ENOX1: variants seen among roughly 807,000 people sequenced by gnomAD.
The protein encoded by ENOX1 is ecto-NOX disulfide-thiol exchanger 1, also known as candidate growth-related and time keeping constitutive hydroquinone (NADH) oxidase.
ENOX1 carries 42 observed loss-of-function variants against 82.5 expected under a neutral mutation model. The observed-to-expected ratio is 0.51, with a 90% CI of 0.40 to 0.66. The LOEUF is 0.66. Ranked by LOEUF, ENOX1 falls within the 30% of genes least tolerant of loss-of-function variation. The pLI is 0.00. For missense variants in ENOX1, 608 were observed against 811.6 expected (o/e 0.75, Z 3.05); for synonymous variants, 271 against 282.2 (o/e 0.96, Z 0.40).
At chr13:43,475,718 T>C (rs950490287) in intron 3 of ENOX1, among the ~76,000 whole-genome samples, 15 of 148,168 alleles carry the variant, frequency 1.0e-4, no homozygotes, top group Non-Finnish European at 3.0e-5. Context: ...GCTTTTACTC[T>C]TGAATTTTTA....
intron 2 of ENOX1, among the ~76,000 whole-genome samples, chr13:43,560,959 G>A (rs1411088768): frequency 3.3e-5 from 5 of 152,140 alleles, no homozygotes; most frequent in Non-Finnish European, 5.9e-5. Context: ...GTTGCTCCTT[G>A]TATCTAGAAG....
At chr13:43,565,282 A>C (rs921957649) in intron 2 of ENOX1, among the ~76,000 whole-genome samples, 6 of 152,220 alleles carry the variant, frequency 3.9e-5, no homozygotes, top group African/African-American at 1.4e-4. Context: ...TTCACAGAAC[A>C]AAAGAAAGGG....
chr13:43,445,264 C>T (rs1272755523), intron 3 of ENOX1, among the ~76,000 whole-genome samples: 2 of 151,864 alleles, frequency 1.3e-5, no homozygotes, highest in East Asian at 1.9e-4. Flanking sequence ...GCTGGGACTA[C>T]AGGCACCCAC....
intron 14 of ENOX1, among the ~76,000 whole-genome samples, chr13:43,238,355 A>G (rs892566650): frequency 1.3e-5 from 2 of 152,246 alleles, no homozygotes; most frequent in East Asian, 3.8e-4. Context: ...ATAAAGAGGA[A>G]TTGCAGGAAA....
intron 14 of ENOX1, among the ~76,000 whole-genome samples, chr13:43,248,851 ATG>A (rs2043288845): frequency 6.6e-6 from 1 of 152,132 alleles, no homozygotes; most frequent in African/African-American, 2.4e-5. Context: ...TAACATATAT[ATG>A]TGTTTGCATA....
intron 11 of ENOX1, among the ~76,000 whole-genome samples, chr13:43,315,661 T>C (rs574549702): frequency 9.8e-4 from 149 of 152,308 alleles, no homozygotes; most frequent in Non-Finnish European, 1.7e-3. Context: ...ACTAAGAGTG[T>C]CGATAAAATG....
intron 9 of ENOX1, among the ~76,000 whole-genome samples, chr13:43,329,172 A>T (rs2048286023): frequency 6.6e-6 from 1 of 152,208 alleles, no homozygotes; most frequent in African/African-American, 2.4e-5. Context: ...GATGAGTGAA[A>T]GTAGCTGTGG....
rs574611044 is a variant in ENOX1 at position 43,582,572 on chromosome 13, T to A, written c.-219+84907A>T. On this transcript the variant is annotated intron_variant, in intron 2 of 16. Transcript: ENST00000690772. ...TAATACCAACATGGAAGACATTTTA[T>A]TTCTTTTTCTTTTTTTTTGGAGACA... Among the ~76,000 whole-genome samples the A allele has an allele frequency of 5.6e-4, 85 of 152,158 alleles. No individual in the cohort carries two copies. The South Asian group carries it at 0.017, about 31-fold the overall frequency.
chr13:43,722,224 T>G, intron 1 of ENOX1, among the ~76,000 whole-genome samples: 1 of 152,212 alleles, frequency 6.6e-6, no homozygotes, highest in Non-Finnish European at 1.5e-5. Context: ...CACATGTTAG[T>G]TATTATGATC....
chr13:43,222,380 T>TACACACACACACACACACACACACAC (rs35476412), intron 16 of ENOX1, among the ~76,000 whole-genome samples: 1 of 149,088 alleles, frequency 6.7e-6, no homozygotes, highest in African/African-American at 2.5e-5. Context: ...GAGATGATTT[T>TACACACACACACACACACACACACAC]ACACACACAC....
chr13:43,221,815 G>C (rs1473520911), intron 16 of ENOX1, among the ~76,000 whole-genome samples: 1 of 152,136 alleles, frequency 6.6e-6, no homozygotes, highest in East Asian at 1.9e-4. Context: ...GACCACAACA[G>C]TGACATTACA....
At chr13:43,453,472 TC>T (rs2057072557) in intron 3 of ENOX1, among the ~76,000 whole-genome samples, 1 of 152,202 alleles carries the variant, frequency 6.6e-6, no homozygotes, top group Non-Finnish European at 1.5e-5. Flanking sequence ...AGAGTGGATT[TC>T]ACCTTTAATG....
chr13:43,688,230 A>G (rs2086175655), intron 1 of ENOX1, among the ~76,000 whole-genome samples: 2 of 152,072 alleles, frequency 1.3e-5, no homozygotes, highest in Non-Finnish European at 2.9e-5. Context: ...GACCTTCAAC[A>G]TTTCCTTTTA....
intron 2 of ENOX1, among the ~76,000 whole-genome samples, chr13:43,623,338 T>C (rs1023593370): frequency 6.6e-6 from 1 of 152,136 alleles, no homozygotes; most frequent in Non-Finnish European, 1.5e-5. Context: ...CTGTGTGGTT[T>C]TACCCCCTGC....
intron 7 of ENOX1, among the ~76,000 whole-genome samples, chr13:43,356,623 A>T (rs1189057391): frequency 6.6e-6 from 1 of 152,114 alleles, no homozygotes; most frequent in Non-Finnish European, 1.5e-5. Flanking sequence ...ATGATATTTA[A>T]AAAGATCTAC....
intron 2 of ENOX1, among the ~76,000 whole-genome samples, chr13:43,570,349 C>T (rs2225273): frequency 0.97 from 147,883 of 152,180 alleles, 71,996 homozygotes; most frequent in Non-Finnish European, 1. Context: ...CATAGATGCA[C>T]ATAGAAATGA....
chr13:43,382,551 A>T (rs1015530551), intron 5 of ENOX1, among the ~76,000 whole-genome samples: 1 of 152,182 alleles, frequency 6.6e-6, no homozygotes, highest in Non-Finnish European at 1.5e-5. Flanking sequence ...TCATTTACAT[A>T]AAATTCTGGA....
chr13:43,431,129 T>TA (rs2055631598), intron 3 of ENOX1, among the ~76,000 whole-genome samples: 1 of 152,210 alleles, frequency 6.6e-6, no homozygotes, highest in South Asian at 2.1e-4. Context: ...GCTTAACTCT[T>TA]GTCTTCATAG....
At chr13:43,623,173 AG>A (rs1252260538) in intron 2 of ENOX1, among the ~76,000 whole-genome samples, 4 of 152,116 alleles carry the variant, frequency 2.6e-5, no homozygotes, top group Non-Finnish European at 5.9e-5. Context: ...AACCTGCCCC[AG>A]GATACCTGCC....
Sources: allele counts gnomAD v4.1 joint callset (sites outside exome capture counted in the v4.1 genomes callset), GRCh38; gene constraint gnomAD v4.1.1; transcripts MANE v1.5; gene names NCBI Gene and HGNC (gene_info 2026-07-23, HGNC 2026-07-21).